Variants in CLDN16 observed in about 807,000 individuals in gnomAD.
CLDN16 encodes claudin 16.
A neutral mutation model predicts 24.6 loss-of-function variants in CLDN16; 13 were observed. The ratio of observed to expected loss-of-function variants is 0.53; its 90% CI spans 0.34 to 0.84. The LOEUF (loss-of-function observed/expected upper bound fraction) is 0.84. Ranked by LOEUF, CLDN16 falls within the 40% of genes least tolerant of loss-of-function variation. CLDN16 has a pLI of 0.01. For missense variants in CLDN16, 298 were observed against 292.7 expected (o/e 1.02, Z -0.13); for synonymous variants, 116 against 106.7 (o/e 1.09, Z -0.54).
intron 1 of CLDN16, among the ~76,000 whole-genome samples, chr3:190,323,810 G>A (rs1344256997): frequency 6.6e-6 from 1 of 152,164 alleles, no homozygotes; most frequent in Non-Finnish European, 1.5e-5. Flanking sequence ...GGACTTGGCC[G>A]TGCTAGGATT....
intron 1 of CLDN16, among the ~76,000 whole-genome samples, chr3:190,343,944 G>T (rs556935906): frequency 6.6e-6 from 1 of 151,892 alleles, no homozygotes; most frequent in African/African-American, 2.4e-5. Flanking sequence ...CAAGATTTTT[G>T]CTACATGGGT....
At chr3:190,310,503 C>CT in the CLDN16 span, among the ~76,000 whole-genome samples, 1 of 151,980 alleles carries the variant, frequency 6.6e-6, no homozygotes, top group Admixed American at 6.6e-5. Flanking sequence ...ACAAATAATT[C>CT]TTTTTTGGAA....
chr3:190,298,346 T>TACACACACACAC, the CLDN16 span, among the ~76,000 whole-genome samples: 1 of 75,458 alleles, frequency 1.3e-5, no homozygotes, highest in African/African-American at 8.6e-5. Flanking sequence ...ACATGTATAT[T>TACACACACACAC]ATACACACAC....
chr3:190,308,894 A>C, the CLDN16 span, among the ~76,000 whole-genome samples: 1 of 152,188 alleles, frequency 6.6e-6, no homozygotes, highest in South Asian at 2.1e-4. Context: ...GCACCTATAC[A>C]ATCTGAAATC....
chr3:190,357,262 G>A (rs1717794359), intron 1 of CLDN16, among the ~76,000 whole-genome samples: 1 of 151,798 alleles, frequency 6.6e-6, no homozygotes, highest in Admixed American at 6.6e-5. Context: ...TTGCAGATCT[G>A]GGATCAGAAA....
intron 3 of CLDN16, among the ~76,000 whole-genome samples, chr3:190,381,327 AT>A (rs1485702889): frequency 6.6e-6 from 1 of 152,086 alleles, no homozygotes; most frequent in Non-Finnish European, 1.5e-5. Context: ...ATGCTACCTA[AT>A]CTGTTGCTTG....
chr3:190,325,229 G>C (rs993858472), intron 1 of CLDN16, among the ~76,000 whole-genome samples: 1 of 152,102 alleles, frequency 6.6e-6, no homozygotes, highest in Non-Finnish European at 1.5e-5. Flanking sequence ...ATATGGCAGC[G>C]CTGGAATTCC....
chr3:190,334,670 G>A (rs61489163), intron 1 of CLDN16, among the ~76,000 whole-genome samples: 6,500 of 152,344 alleles, frequency 0.043, 319 homozygotes, highest in African/African-American at 0.12. Context: ...GGTAGATGTT[G>A]TTGGTAACCA....
At chr3:190,303,278 T>C in the CLDN16 span, among the ~76,000 whole-genome samples, 1 of 152,220 alleles carries the variant, frequency 6.6e-6, no homozygotes, top group African/African-American at 2.4e-5. Context: ...CTATAGGCTG[T>C]TGGATTTTTT....
At chr3:190,327,818 T>C (rs1271404618) in intron 1 of CLDN16, among the ~76,000 whole-genome samples, 2 of 152,138 alleles carry the variant, frequency 1.3e-5, no homozygotes, top group African/African-American at 4.8e-5. Flanking sequence ...ACGGAATTAG[T>C]GAACAGATGG....
intron 1 of CLDN16, among the ~76,000 whole-genome samples, chr3:190,325,267 A>G (rs1408477491): frequency 1.3e-5 from 2 of 152,204 alleles, no homozygotes; most frequent in Non-Finnish European, 2.9e-5. Context: ...GCTCGTGTCC[A>G]TGCCTTTGAC....
chr3:190,385,484 AT>A (rs1421895205), upstream of CLDN16, among the ~76,000 whole-genome samples: 1 of 152,168 alleles, frequency 6.6e-6, no homozygotes, highest in Admixed American at 6.6e-5. Context: ...TTCAGGAACA[AT>A]TCTATAGCCA....
At chr3:190,313,298 G>T in the CLDN16 span, 2 of 454,660 alleles carry the variant, frequency 4.4e-6, no homozygotes, top group South Asian at 2.5e-5. Context: ...AAAATCAACT[G>T]GAAAATTAAT....
In CLDN16 at chr3:190,410,299, T is replaced by G. The variant is rs1202399429; in HGVS notation, c.*263T>G. On this transcript the variant is annotated 3_prime_UTR_variant, in exon 5 of 5. Transcript: ENST00000264734. ...TAAGTCTGCTAGGATGTAGAAATAT[T>G]TGTTTGTGATTTCTATATAGCTATT... 2.2e-5 allele frequency: 10 copies of G among 448,086 alleles called. No homozygotes were observed. The highest frequency in any genetic ancestry group is 4.1e-6 in the Non-Finnish European group (1 of 246,126). 27.8% of individuals were successfully genotyped at this position (448,086 alleles called of 1,614,324 possible).
chr3:190,298,898 C>T, the CLDN16 span, among the ~76,000 whole-genome samples: 4 of 152,104 alleles, frequency 2.6e-5, no homozygotes, highest in African/African-American at 9.7e-5. Context: ...AGTTTTCTTA[C>T]TGTAGCTATA....
intron 1 of CLDN16, among the ~76,000 whole-genome samples, chr3:190,344,974 G>A (rs1040744773): frequency 2.0e-5 from 3 of 152,116 alleles, no homozygotes; most frequent in Non-Finnish European, 4.4e-5. Context: ...TTACTTAGAA[G>A]AGTATGGGGA....
chr3:190,392,524 A>G (rs2108661506), intron 1 of CLDN16, among the ~76,000 whole-genome samples: 1 of 152,268 alleles, frequency 6.6e-6, no homozygotes, highest in Non-Finnish European at 1.5e-5. Context: ...CAGTGTAGTG[A>G]GTGGGACAAA....
the CLDN16 span, among the ~76,000 whole-genome samples, chr3:190,298,598 G>A: frequency 6.6e-6 from 1 of 152,040 alleles, no homozygotes; most frequent in Non-Finnish European, 1.5e-5. Flanking sequence ...TGGAATTACA[G>A]GCATGTGCCA....
chr3:190,303,884 C>T, the CLDN16 span, among the ~76,000 whole-genome samples: 21 of 95,886 alleles, frequency 2.2e-4, no homozygotes, highest in Admixed American at 1.8e-3. Context: ...CTCCTTTTCC[C>T]CACAAAACAC....
Sources: gnomAD v4.1 joint callset for allele counts (sites outside exome capture counted in the v4.1 genomes callset) on GRCh38, gnomAD v4.1.1 for gene constraint, MANE v1.5 for transcripts, NCBI Gene and HGNC (gene_info 2026-07-23, HGNC 2026-07-21) for gene names.